The following RSPO3 variants were observed in gnomAD, a reference collection of about 807,000 sequenced individuals.
The protein encoded by RSPO3 is R-spondin-3.
A neutral mutation model predicts 36.5 loss-of-function variants in RSPO3; 17 were observed. The observed-to-expected ratio is 0.47, with a 90% confidence interval of 0.32 to 0.70. The LOEUF (loss-of-function observed/expected upper bound fraction) is 0.70, where lower values mean the gene tolerates loss of function less well. Among genes scored for constraint, RSPO3 ranks in the 30% least tolerant of loss-of-function variants. The probability of loss-of-function intolerance (pLI) is 0.04; values close to 1 mark genes in which losing one functional copy is unlikely to be tolerated. For synonymous variants in RSPO3, 108 were observed against 107.0 expected (o/e 1.01, Z -0.06); for missense variants, 294 against 322.5 (o/e 0.91, Z 0.68).
intron 4 of RSPO3, among the ~76,000 whole-genome samples, chr6:127,178,165 T>C (rs1268932884): frequency 6.6e-6 from 1 of 151,724 alleles, no homozygotes; most frequent in Non-Finnish European, 1.5e-5. Context: ...AAATAGTAGA[T>C]TATATATTAT....
intron 1 of RSPO3, among the ~76,000 whole-genome samples, chr6:127,141,908 C>T (rs536013808): frequency 1.3e-4 from 19 of 151,892 alleles, no homozygotes; most frequent in South Asian, 1.0e-3. Context: ...TATACACATG[C>T]GCAGACATAC....
chr6:127,180,948 A>G (rs760674386), intron 4 of RSPO3, among the ~76,000 whole-genome samples: 8 of 151,882 alleles, frequency 5.3e-5, no homozygotes, highest in Non-Finnish European at 1.0e-4. Flanking sequence ...TGCTTTACTT[A>G]AGGTCATATT....
chr6:127,183,734 G>C (rs1357685705), intron 4 of RSPO3, among the ~76,000 whole-genome samples: 3 of 151,934 alleles, frequency 2.0e-5, no homozygotes, highest in African/African-American at 7.2e-5. Flanking sequence ...AGGAATATCG[G>C]CCTTACATGT....
chr6:127,197,425 G>C lies in RSPO3; in HGVS notation c.*1418G>C. 2 of 1,550,364 alleles carry C rather than the reference G, an allele frequency of 1.3e-6. No homozygotes were observed. Among genetic ancestry groups the C allele is most frequent in the Non-Finnish European group, 1.7e-6 (2 of 1,146,924 alleles). ...TATTTTCTATCTGTGGATCTCTTTA[G>C]GGGATTGAAGTCACCCTAGCTGAAG... is the stretch of plus-strand genomic sequence containing the variant. On this transcript the variant is annotated 3_prime_UTR_variant, in exon 5 of 5. Transcript: ENST00000356698.
At chr6:127,149,389 C>A (rs180845155) in intron 2 of RSPO3, among the ~76,000 whole-genome samples, 1 of 152,166 alleles carries the variant, frequency 6.6e-6, no homozygotes, top group East Asian at 1.9e-4. Context: ...TCTCCTACAA[C>A]TCCCCCTCAC....
Position 127,183,199 on chromosome 6 carries a change from T to C in RSPO3, c.635-12624T>C, listed in dbSNP as rs531583733. ...ACTGTCCTAGAACTCAAATGCCTTC[T>C]GGAAACAAGAGAATGGAATTCTTTC... On this transcript the variant is annotated intron_variant, in intron 4 of 4. Transcript: ENST00000356698. Among the ~76,000 whole-genome samples the C allele has an allele frequency of 2.0e-5, 3 of 152,142 alleles. No homozygotes were observed. In the South Asian group the frequency reaches 6.2e-4, roughly 31 times the overall value.
chr6:127,173,833 G>T (rs1562251249), intron 4 of RSPO3, among the ~76,000 whole-genome samples: 1 of 151,870 alleles, frequency 6.6e-6, no homozygotes. Context: ...TCTGCTGAAG[G>T]CACGTGAGAT....
intron 4 of RSPO3, among the ~76,000 whole-genome samples, chr6:127,161,212 G>A (rs1259451784): frequency 6.6e-6 from 1 of 151,922 alleles, no homozygotes. Flanking sequence ...TTGAAGACAT[G>A]CACAATTGAC....
intron 4 of RSPO3, among the ~76,000 whole-genome samples, chr6:127,176,154 T>C (rs1416354543): frequency 1.3e-5 from 2 of 151,806 alleles, no homozygotes; most frequent in African/African-American, 4.8e-5. Context: ...CAGCATTTCA[T>C]ATTTAATTAC....
chr6:127,159,366 A>C (rs889916098), intron 4 of RSPO3, among the ~76,000 whole-genome samples: 5 of 152,146 alleles, frequency 3.3e-5, no homozygotes, highest in Non-Finnish European at 5.9e-5. Context: ...TAGAAAGGAG[A>C]GAGAAGAGCA....
At chr6:127,170,750 C>T (rs1719066658) in intron 4 of RSPO3, among the ~76,000 whole-genome samples, 1 of 151,608 alleles carries the variant, frequency 6.6e-6, no homozygotes, top group South Asian at 2.1e-4. Flanking sequence ...ACCTTAAAGA[C>T]TTTATACTAA....
In RSPO3 at chr6:127,119,034, G is replaced by C. The variant is rs1298177857; in HGVS notation, c.-159G>C. 2 of 511,214 alleles carry C rather than the reference G, an allele frequency of 3.9e-6. No homozygotes were observed. Among genetic ancestry groups the C allele is most frequent in the Non-Finnish European group, 6.9e-6 (2 of 290,800 alleles). The allele number at this position is 511,214 out of a possible 1,614,324, so 31.7% of individuals were successfully genotyped here. A position where few individuals can be genotyped will look rare whatever the true frequency, so the allele number is the denominator to read the frequency against. On this transcript the variant is annotated 5_prime_UTR_variant, in exon 1 of 5. Coordinates refer to ENST00000356698, the MANE Select transcript of RSPO3 (RefSeq NM_032784.5). ...TTTCCCTGTCCACCCGCCCCACTTCGCTTGCCATCACAGCACGCCTATCGG... is the reference window on the plus strand; with the variant it reads ...TTTCCCTGTCCACCCGCCCCACTTCCCTTGCCATCACAGCACGCCTATCGG...
intron 4 of RSPO3, among the ~76,000 whole-genome samples, chr6:127,169,775 G>A (rs1343165633): frequency 6.6e-6 from 1 of 151,702 alleles, no homozygotes; most frequent in African/African-American, 2.4e-5. Flanking sequence ...CTGTGTTGAC[G>A]GTGTTAATTC....
intron 1 of RSPO3, among the ~76,000 whole-genome samples, chr6:127,132,515 G>A (rs1774077719): frequency 6.6e-6 from 1 of 151,814 alleles, no homozygotes; most frequent in Non-Finnish European, 1.5e-5. Flanking sequence ...AAAAAAGGTG[G>A]GGGCAATTAC....
chr6:127,154,877 T>G (rs905425482), intron 3 of RSPO3, among the ~76,000 whole-genome samples: 1 of 152,172 alleles, frequency 6.6e-6, no homozygotes, highest in Admixed American at 6.6e-5. Flanking sequence ...TAGCACATAG[T>G]ATAACAACTG....
intron 1 of RSPO3, among the ~76,000 whole-genome samples, chr6:127,122,954 T>C (rs1381790817): frequency 2.0e-5 from 3 of 152,138 alleles, no homozygotes; most frequent in African/African-American, 2.4e-5. Flanking sequence ...GTTCAGACTC[T>C]AGATAAATGC....
At chr6:127,164,667 G>A (rs1431508805) in intron 4 of RSPO3, among the ~76,000 whole-genome samples, 2 of 152,000 alleles carry the variant, frequency 1.3e-5, no homozygotes, top group African/African-American at 2.4e-5. Flanking sequence ...TAGCTGCTGA[G>A]GGTTCTGTGT....
In RSPO3 at chr6:127,195,830, A is replaced by T. The variant is rs757123951; in HGVS notation, c.642A>T (p.Lys214Asn). ...AGTATCCTTTCATTTCAGGAAAAAA[A>T]GGAAGGGAGAGGAAAAGAAAAAAAC... ...KKCQKGERGK[K>N]GRERKRKKPN... Residue 214 changes from lysine (K) to asparagine (N), a missense_variant, in exon 5 of 5, where the codon AAA (lysine) becomes AAT (asparagine). Physicochemically the swap from Lys to Asn is moderately conservative, Grantham distance 94. Around this residue, in one of 3 missense-constraint regions of RSPO3, gnomAD observed 190 missense variants for 185.2 expected, o/e 1.03. Coordinates refer to ENST00000356698, the MANE Select transcript of RSPO3 (RefSeq NM_032784.5). The T allele has an allele frequency of 7.2e-6, 11 of 1,518,324 alleles. No homozygotes were observed. The highest frequency in any genetic ancestry group is 8.0e-6 in the Non-Finnish European group (9 of 1,131,852). 94.1% of individuals were successfully genotyped at this position (1,518,324 alleles called of 1,614,324 possible).
At position 127,120,789 on chromosome 6, in the gene RSPO3, G is replaced by A. The variant is rs113439127; in HGVS notation, c.97+1500G>A. ...TCACCGCCTTTAGGATCACCTAGCA[G>A]GGGGCAGGAGAGCCCAAACTAAATA... On this transcript the variant is annotated intron_variant, in intron 1 of 4. Coordinates refer to ENST00000356698, the MANE Select transcript of RSPO3 (RefSeq NM_032784.5). Among the ~76,000 whole-genome samples, 190 of 152,372 alleles carry A rather than the reference G, an allele frequency of 1.2e-3. 1 individual carries two copies. Among genetic ancestry groups the A allele is most frequent in the African/African-American group, 4.5e-3 (186 of 41,592 alleles).
Sources: allele counts gnomAD v4.1 joint callset (sites outside exome capture counted in the v4.1 genomes callset), GRCh38; gene constraint gnomAD v4.1.1; regional missense constraint gnomAD v4.1.1; transcripts MANE v1.5; gene names NCBI Gene and HGNC (gene_info 2026-07-23, HGNC 2026-07-21).